TSHZ2: variants seen among roughly 807,000 people sequenced by gnomAD.
TSHZ2 encodes the protein teashirt homolog 2.
A neutral mutation model predicts 74.4 loss-of-function variants in TSHZ2; 21 were observed. The ratio of observed to expected loss-of-function variants is 0.28; its 90% CI spans 0.20 to 0.41. The LOEUF (loss-of-function observed/expected upper bound fraction) is 0.41, where lower values mean the gene tolerates loss of function less well. Among genes scored for constraint, TSHZ2 ranks in the 10% least tolerant of loss-of-function variants. The probability of loss-of-function intolerance (pLI) is 1.00; values close to 1 mark genes in which losing one functional copy is unlikely to be tolerated. For missense variants in TSHZ2, 1,244 were observed against 1,293.5 expected (o/e 0.96, Z 0.59); for synonymous variants, 540 against 515.3 (o/e 1.05, Z -0.65).
chr20:53,081,702 G>A (rs527335300), intron 1 of TSHZ2, among the ~76,000 whole-genome samples: 6 of 152,164 alleles, frequency 3.9e-5, no homozygotes, highest in South Asian at 2.1e-4. Context: ...TGCATAAAAC[G>A]GTGCTACTGT....
intron 1 of TSHZ2, among the ~76,000 whole-genome samples, chr20:53,163,386 T>TTTTTTTTA (rs57531331): frequency 8.5e-6 from 1 of 117,940 alleles, no homozygotes. Context: ...TTTTTTTTTT[T>TTTTTTTTA]GAGGTTTCAG....
chr20:53,259,775 G>C (rs1233755021), intron 2 of TSHZ2, among the ~76,000 whole-genome samples: 1 of 152,164 alleles, frequency 6.6e-6, no homozygotes, highest in African/African-American at 2.4e-5. Context: ...TTGAGTATAA[G>C]CCTGGCCCAA....
At position 53,419,137 on chromosome 20, in the gene TSHZ2, G is replaced by A. The variant is rs573088736; in HGVS notation, c.*9-68007G>A. 3.3e-5 allele frequency among the ~76,000 whole-genome samples: 5 copies of A among 152,316 alleles called. No homozygotes were observed. In the South Asian group the frequency reaches 1.0e-3, roughly 32 times the overall value. ...AAAAAAGCAACTGTCTCAGCATTAA[G>A]CCGCTTTGTGGACCAGGTTGTTTTG... is the stretch of plus-strand genomic sequence containing the variant. On this transcript the variant is annotated intron_variant, in intron 2 of 2. Coordinates refer to ENST00000371497, the MANE Select transcript of TSHZ2 (RefSeq NM_173485.6).
chr20:53,031,313 C>A (rs900016609), intron 1 of TSHZ2, among the ~76,000 whole-genome samples: 3 of 152,156 alleles, frequency 2.0e-5, no homozygotes, highest in African/African-American at 2.4e-5. Context: ...TTTGAGTTAA[C>A]AACATTCAGC....
chr20:53,181,053 T>A (rs374056923), intron 1 of TSHZ2, among the ~76,000 whole-genome samples: 2 of 152,160 alleles, frequency 1.3e-5, no homozygotes, highest in African/African-American at 4.8e-5. Flanking sequence ...CACCTTTCTT[T>A]TTCACATGTT....
intron 2 of TSHZ2, among the ~76,000 whole-genome samples, chr20:53,419,050 T>G (rs1212636160): frequency 1.3e-5 from 2 of 152,234 alleles, no homozygotes; most frequent in Non-Finnish European, 2.9e-5. Context: ...TTGGGTGAAT[T>G]AACAACATGA....
intron 2 of TSHZ2, among the ~76,000 whole-genome samples, chr20:53,275,695 A>G (rs546954379): frequency 2.0e-5 from 3 of 152,336 alleles, no homozygotes; most frequent in Non-Finnish European, 4.4e-5. Context: ...TGGGAGGCCA[A>G]GGTGGATGGA....
At chr20:53,023,411 C>A (rs1983316625) in intron 1 of TSHZ2, among the ~76,000 whole-genome samples, 1 of 152,152 alleles carries the variant, frequency 6.6e-6, no homozygotes, top group Non-Finnish European at 1.5e-5. Flanking sequence ...TCAACATTAA[C>A]CTAAATGTTC....
intron 1 of TSHZ2, among the ~76,000 whole-genome samples, chr20:53,147,597 T>C (rs1987573603): frequency 6.6e-6 from 1 of 152,250 alleles, no homozygotes; most frequent in African/African-American, 2.4e-5. Context: ...GCCATATCAC[T>C]GTGGTATTAA....
intron 1 of TSHZ2, among the ~76,000 whole-genome samples, chr20:53,048,459 T>C (rs1248151456): frequency 6.6e-6 from 1 of 152,186 alleles, no homozygotes; most frequent in Non-Finnish European, 1.5e-5. Context: ...CCATCTCCCC[T>C]TCGCTTGTCT....
In TSHZ2 at chr20:52,973,103, C is replaced by T. The variant is rs1230094291; in HGVS notation, c.-191C>T. The T allele has an allele frequency of 1.6e-6, 1 of 624,126 alleles. No individual in the cohort carries two copies. Among genetic ancestry groups the T allele is most frequent in the African/African-American group, 1.9e-5 (1 of 52,820 alleles). 38.7% of individuals were successfully genotyped at this position (624,126 alleles called of 1,614,324 possible). On this transcript the variant is annotated 5_prime_UTR_variant, in exon 1 of 3. Transcript: ENST00000371497. ...GGCACAAGCCACCCGTGTCTGCCAC[C>T]CAGAGAGGGGGGTCTCTGGCCCGTG...
chr20:53,365,145 T>C (rs144678059), intron 2 of TSHZ2, among the ~76,000 whole-genome samples: 29 of 152,362 alleles, frequency 1.9e-4, no homozygotes, highest in African/African-American at 6.5e-4. Flanking sequence ...TGAAATTTTA[T>C]GTATTTCTCT....
intron 1 of TSHZ2, among the ~76,000 whole-genome samples, chr20:53,160,547 T>C (rs1421762615): frequency 2.0e-5 from 3 of 151,988 alleles, no homozygotes; most frequent in South Asian, 4.1e-4. Flanking sequence ...GGTAGACAGA[T>C]CACTTGAGAC....
At chr20:53,000,743 T>G (rs1364682108) in intron 1 of TSHZ2, among the ~76,000 whole-genome samples, 1 of 152,024 alleles carries the variant, frequency 6.6e-6, no homozygotes, top group African/African-American at 2.4e-5. Context: ...GACGGAAGCT[T>G]TTTGCATTTT....
At chr20:53,278,394 C>T (rs1990987332) in intron 2 of TSHZ2, among the ~76,000 whole-genome samples, 1 of 152,192 alleles carries the variant, frequency 6.6e-6, no homozygotes, top group Admixed American at 6.6e-5. Context: ...TTCCATCACT[C>T]ATTTTTCTTG....
chr20:53,400,547 A>G (rs1460706252), intron 2 of TSHZ2: 1 of 152,232 alleles, frequency 6.6e-6, no homozygotes, highest in African/African-American at 2.4e-5. Flanking sequence ...GAGGCCCATA[A>G]GGCGAAGTTA....
At chr20:53,219,833 T>G (rs1324463971) in intron 1 of TSHZ2, among the ~76,000 whole-genome samples, 2 of 152,244 alleles carry the variant, frequency 1.3e-5, no homozygotes, top group African/African-American at 4.8e-5. Flanking sequence ...TAATTCCTAT[T>G]TTGTTTTTAA....
intron 1 of TSHZ2, among the ~76,000 whole-genome samples, chr20:53,192,740 G>GCTTCAGATTC: frequency 6.6e-6 from 1 of 152,136 alleles, no homozygotes; most frequent in African/African-American, 2.4e-5. Flanking sequence ...CTTCTCATTG[G>GCTTCAGATTC]CAATGCTGGA....
chr20:53,254,915 A>T lies in TSHZ2; in HGVS notation c.1457A>T (p.Asp486Val). 1 of 1,613,900 alleles carries T rather than the reference A, an allele frequency of 6.2e-7. No homozygotes were observed. The highest frequency in any genetic ancestry group is 8.5e-7 in the Non-Finnish European group (1 of 1,179,974). Residue 486 changes from aspartate (D) to valine (V), a missense_variant, in exon 2 of 3, where the codon GAT (aspartate) becomes GTT (valine). Coordinates refer to ENST00000371497, the MANE Select transcript of TSHZ2 (RefSeq NM_173485.6). ...EKVVKSEDYE[D>V]PLQKPLDPTI... ...GTCGTGAAAAGCGAGGACTATGAAG[A>T]TCCTCTACAAAAACCTTTAGACCCT...
Sources: gnomAD v4.1 joint callset for allele counts (sites outside exome capture counted in the v4.1 genomes callset) on GRCh38, gnomAD v4.1.1 for gene constraint, MANE v1.5 for transcripts, NCBI Gene and HGNC (gene_info 2026-07-23, HGNC 2026-07-21) for gene names.